Variants in GRM1 observed in about 807,000 individuals in gnomAD.
GRM1 encodes the protein metabotropic glutamate receptor 1.
Under a neutral mutation model 90.9 loss-of-function variants are expected in GRM1, and 33 were observed. The ratio of observed to expected loss-of-function variants is 0.36; its 90% CI spans 0.28 to 0.49. The LOEUF (loss-of-function observed/expected upper bound fraction) is 0.49, where lower values mean the gene tolerates loss of function less well. Among genes scored for constraint, GRM1 ranks in the 20% least tolerant of loss-of-function variants. GRM1 has a pLI of 0.99. For missense variants in GRM1, 1,190 were observed against 1,534.3 expected, an observed-to-expected ratio of 0.78 and a Z score of 3.75; for synonymous variants, 700 against 613.2, an observed-to-expected ratio of 1.14 and a Z score of -2.09.
At chr6:146,042,743 A>C (rs918236181) in intron 1 of GRM1, among the ~76,000 whole-genome samples, 2 of 152,004 alleles carry the variant, frequency 1.3e-5, no homozygotes, top group Non-Finnish European at 2.9e-5. Context: ...CTATTTTGAC[A>C]TTCTCTTCAC....
intron 4 of GRM1, among the ~76,000 whole-genome samples, chr6:146,352,713 G>C (rs1036011966): frequency 5.3e-5 from 8 of 152,114 alleles, no homozygotes; most frequent in African/African-American, 1.9e-4. Context: ...CCAATACCCA[G>C]TATTCTACCA....
At chr6:146,385,080 A>G (rs1487918611) in intron 5 of GRM1, among the ~76,000 whole-genome samples, 1 of 152,148 alleles carries the variant, frequency 6.6e-6, no homozygotes, top group Non-Finnish European at 1.5e-5. Context: ...AGGTCAGAAG[A>G]AAACCTGAAG....
chr6:146,351,185 G>T (rs1012640961), intron 3 of GRM1, among the ~76,000 whole-genome samples: 1 of 152,138 alleles, frequency 6.6e-6, no homozygotes, highest in East Asian at 1.9e-4. Context: ...CAGCTGGCAG[G>T]GAGTGTGAGG....
In GRM1 at chr6:146,029,525, G is replaced by A. The variant is rs1347765372; in HGVS notation, c.8G>A (p.Gly3Glu). MV[G>E]LLLFFFPAIF... Reference sequence around the variant, plus strand: ...GACCTCGTCCTCACCACCATGGTCGGGCTCCTTTTGTTTTTTTTCCCAGCG... The same window carrying A: ...GACCTCGTCCTCACCACCATGGTCGAGCTCCTTTTGTTTTTTTTCCCAGCG... The change falls in exon 1 of 8, where the codon GGG becomes GAG. Residue 3 changes from glycine to glutamate, a missense_variant. Physicochemically the swap from Gly to Glu is moderately conservative, Grantham distance 98 (BLOSUM62 -2). Coordinates refer to ENST00000282753, the MANE Select transcript of GRM1 (RefSeq NM_001278064.2). 2.5e-6 allele frequency: 4 copies of A among 1,613,770 alleles called. No homozygotes were observed.
chr6:146,110,150 A>T (rs1037917270), intron 1 of GRM1, among the ~76,000 whole-genome samples: 1 of 152,134 alleles, frequency 6.6e-6, no homozygotes, highest in Non-Finnish European at 1.5e-5. Context: ...ATGTGAGGAC[A>T]TGAGATTTGG....
At chr6:146,215,709 A>G (rs1056487307) in intron 2 of GRM1, among the ~76,000 whole-genome samples, 3 of 152,020 alleles carry the variant, frequency 2.0e-5, no homozygotes, top group Non-Finnish European at 4.4e-5. Flanking sequence ...CCTGTATCAA[A>G]ACATCTCATA....
intron 2 of GRM1, among the ~76,000 whole-genome samples, chr6:146,299,627 T>C (rs1357005152): frequency 6.6e-6 from 1 of 152,224 alleles, no homozygotes; most frequent in Admixed American, 6.5e-5. Flanking sequence ...CAGGTGCTAC[T>C]CCTTCAAATC....
At chr6:146,422,159 C>T (rs531066814) in intron 7 of GRM1, among the ~76,000 whole-genome samples, 2 of 152,246 alleles carry the variant, frequency 1.3e-5, no homozygotes, top group Admixed American at 1.3e-4. Flanking sequence ...AGTAGATTAA[C>T]CTCCAAACCT....
intron 2 of GRM1, among the ~76,000 whole-genome samples, chr6:146,202,807 G>C (rs569815955): frequency 7.9e-5 from 12 of 152,198 alleles, no homozygotes; most frequent in Non-Finnish European, 1.6e-4. Flanking sequence ...AACTTCAGCA[G>C]AAAACTTTTT....
intron 1 of GRM1, among the ~76,000 whole-genome samples, chr6:146,050,472 T>C (rs1004237774): frequency 4.6e-5 from 7 of 151,986 alleles, no homozygotes; most frequent in Admixed American, 4.6e-4. Context: ...CTCCTGGAAA[T>C]GATGATAAAA....
chr6:146,366,793 G>A (rs1583394988), intron 5 of GRM1, among the ~76,000 whole-genome samples: 1 of 151,988 alleles, frequency 6.6e-6, no homozygotes, highest in Admixed American at 6.6e-5. Flanking sequence ...ACATATTCTG[G>A]TTATTAATCT....
rs190343244 is a variant in GRM1, at chr6:146,183,990, C to G, written c.950+24393C>G. 3.3e-5 allele frequency among the ~76,000 whole-genome samples: 5 copies of G among 152,242 alleles called. No individual in the cohort carries two copies. In the East Asian group the frequency reaches 5.8e-4, roughly 18 times the overall value. On this transcript the variant is annotated intron_variant, in intron 2 of 7. Coordinates refer to ENST00000282753, the MANE Select transcript of GRM1 (RefSeq NM_001278064.2). ...AATCACACTTGGAGTGGGCAATTAA[C>G]TAGGTCTCCTCCCCACTGAGAACCC... is the stretch of plus-strand genomic sequence containing the variant.
At chr6:146,119,800 G>A (rs996983032) in intron 1 of GRM1, among the ~76,000 whole-genome samples, 7 of 152,054 alleles carry the variant, frequency 4.6e-5, no homozygotes, top group African/African-American at 1.4e-4. Context: ...ATTGGTCTAT[G>A]TCTCTGTTTT....
intron 6 of GRM1, among the ~76,000 whole-genome samples, chr6:146,390,767 G>A (rs974612669): frequency 6.6e-6 from 1 of 152,010 alleles, no homozygotes; most frequent in Non-Finnish European, 1.5e-5. Context: ...GGTGAATTAA[G>A]CAATGTCTAT....
chr6:146,229,962 G>A (rs1219289971), intron 2 of GRM1, among the ~76,000 whole-genome samples: 3 of 152,046 alleles, frequency 2.0e-5, no homozygotes, highest in Admixed American at 1.3e-4. Flanking sequence ...CTACAACTAT[G>A]TATACTTTCT....
At chr6:146,140,142 C>CTTTCTTTCT (rs1562488256) in intron 1 of GRM1, among the ~76,000 whole-genome samples, 24 of 29,074 alleles carry the variant, frequency 8.3e-4, no homozygotes, top group African/African-American at 1.8e-3. Flanking sequence ...TCTTTCTTTC[C>CTTTCTTTCT]TTCCTTCCTT....
intron 2 of GRM1, among the ~76,000 whole-genome samples, chr6:146,273,903 T>C (rs754370522): frequency 3.3e-5 from 5 of 152,234 alleles, no homozygotes; most frequent in Non-Finnish European, 5.9e-5. Context: ...GGAGCAGTCG[T>C]AGTATTTGTT....
At chr6:146,175,382 G>A (rs1177382285) in intron 2 of GRM1, among the ~76,000 whole-genome samples, 1 of 152,130 alleles carries the variant, frequency 6.6e-6, no homozygotes, top group African/African-American at 2.4e-5. Flanking sequence ...TTGAGTTTTC[G>A]AGACTTATAA....
At chr6:146,182,525 T>C (rs1778586349) in intron 2 of GRM1, among the ~76,000 whole-genome samples, 2 of 148,920 alleles carry the variant, frequency 1.3e-5, no homozygotes, top group Admixed American at 6.6e-5. Context: ...AAAATTCTAA[T>C]GACAACAATT....
Sources: allele counts gnomAD v4.1 joint callset (sites outside exome capture counted in the v4.1 genomes callset), GRCh38; gene constraint gnomAD v4.1.1; transcripts MANE v1.5; gene names NCBI Gene and HGNC (gene_info 2026-07-23, HGNC 2026-07-21).